The following MLXIPL variants were observed in gnomAD, a reference collection of about 807,000 sequenced individuals.
MLXIPL encodes MLX interacting protein like, also known as carbohydrate-responsive element-binding protein.
Under a neutral mutation model 81.5 loss-of-function variants are expected in MLXIPL, and 49 were observed. The observed-to-expected ratio is 0.60, with a 90% CI of 0.48 to 0.76. The LOEUF (loss-of-function observed/expected upper bound fraction) is 0.76. Ranked by LOEUF, MLXIPL falls within the 30% of genes least tolerant of loss-of-function variation. The pLI is 0.00. For missense variants in MLXIPL, 1,053 were observed against 1,167.0 expected (o/e 0.90, Z 1.42); for synonymous variants, 466 against 485.5 (o/e 0.96, Z 0.53).
the MLXIPL span, among the ~76,000 whole-genome samples, chr7:73,632,423 G>C: frequency 3.3e-5 from 5 of 152,088 alleles, no homozygotes; most frequent in Admixed American, 3.3e-4. Flanking sequence ...GGTTTTATTT[G>C]AAAACGAAAC....
chr7:73,623,177 C>T lies in MLXIPL; in HGVS notation c.293+1023G>A, dbSNP rs1349633959. ...GGCAGGCAACACTCCCCTCACAGTC[C>T]CCACCCCAGCTCCTGCTCCCCCGCA... On this transcript the variant is annotated intron_variant, in intron 1 of 16. Coordinates refer to ENST00000313375, the MANE Select transcript of MLXIPL (RefSeq NM_032951.3). This position sits in a 1 kb window ranked among gnomAD's most constrained non-coding sequence, Gnocchi z 5.7. Among the ~76,000 whole-genome samples the T allele has an allele frequency of 6.6e-6, 1 of 152,202 alleles. No individual in the cohort carries two copies. The highest frequency in any genetic ancestry group is 1.5e-5 in the Non-Finnish European group (1 of 68,034).
At chr7:73,625,478 C>T (rs1188103671), upstream of MLXIPL, among the ~76,000 whole-genome samples, 4 of 152,042 alleles carry the variant, frequency 2.6e-5, no homozygotes, top group African/African-American at 9.7e-5. Flanking sequence ...ACACGGTGGC[C>T]GGGCGCGGTG....
Position 73,596,160 on chromosome 7 carries a change from C to T in MLXIPL, c.2051G>A (p.Ser684Asn). The T allele has an allele frequency of 6.2e-7, 1 of 1,612,652 alleles. No individual in the cohort carries two copies. Among genetic ancestry groups the T allele is most frequent in the Non-Finnish European group, 8.5e-7 (1 of 1,179,852 alleles). The change falls in exon 13 of 17, where the codon AGC becomes AAC. Residue 684 changes from serine (S) to asparagine (N), a missense_variant. Transcript: ENST00000313375. The surrounding 1 kb of genome is among the most constrained non-coding windows in gnomAD (Gnocchi z 4.7). The part of the protein sequence containing the change: ...GLVSTLSAQP[S>N]LKVSKATTLQ... The stretch of plus-strand genomic sequence containing the variant: ...CCTGGGCCCGGGGCTCACCTTGAGG[C>T]TGGGCTGGGCACTGAGTGTGCTCAC...
chr7:73,608,129 T>C (rs1282529446), intron 2 of MLXIPL, among the ~76,000 whole-genome samples: 4 of 149,098 alleles, frequency 2.7e-5, no homozygotes, highest in African/African-American at 4.9e-5. Context: ...AGTGCTGGGA[T>C]TACAGGCTTG....
the MLXIPL span, among the ~76,000 whole-genome samples, chr7:73,647,475 C>G: frequency 6.6e-6 from 1 of 152,164 alleles, no homozygotes; most frequent in Admixed American, 6.5e-5. Flanking sequence ...CCAGCCCAGT[C>G]CAGCCAGTGG....
intron 15 of MLXIPL, 50 bp downstream of exon 15, chr7:73,595,587 C>T: frequency 6.2e-7 from 1 of 1,613,946 alleles, no homozygotes; most frequent in Non-Finnish European, 8.5e-7. Flanking sequence ...CCTGGTCTCA[C>T]CCTGCCACAG....
Position 73,607,685 on chromosome 7 carries a change from G to A in MLXIPL, c.401-13C>T. ...CTCCGCTTCACATCTGAGAGAAGGGGGCCAGGTCAGGGGCACCCAGCTTCC... is the reference window on the plus strand; with the variant it reads ...CTCCGCTTCACATCTGAGAGAAGGGAGCCAGGTCAGGGGCACCCAGCTTCC... On this transcript the variant is annotated splice_polypyrimidine_tract_variant and intron_variant, in intron 2 of 16. Coordinates refer to ENST00000313375, the MANE Select transcript of MLXIPL (RefSeq NM_032951.3). The A allele has an allele frequency of 6.2e-7, 1 of 1,612,008 alleles. No homozygotes were observed. Among genetic ancestry groups the A allele is most frequent in the Non-Finnish European group, 8.5e-7 (1 of 1,179,146 alleles).
chr7:73,594,189 T>C (rs1554592821), intron 16 of MLXIPL, 85 bp downstream of exon 16: 9 of 1,592,714 alleles, frequency 5.7e-6, no homozygotes, highest in Non-Finnish European at 5.1e-6. Flanking sequence ...GATGGCAAGC[T>C]GGATGTGGGA....
chr7:73,596,600 C>T lies in MLXIPL; in HGVS notation c.1822+39G>A. On this transcript the variant is annotated intron_variant, in intron 11 of 16. Transcript: ENST00000313375. This position sits in a 1 kb window ranked among gnomAD's most constrained non-coding sequence, Gnocchi z 4.7. ...TTCTTCTTCCTCCTCTTCCCCTCAT[C>T]CCCTAGATTCCCCCAATCCCTGCAA... 6.2e-7 allele frequency: 1 copy of T among 1,603,256 alleles called. No homozygotes were observed. Among genetic ancestry groups the T allele is most frequent in the Non-Finnish European group, 8.5e-7 (1 of 1,175,334 alleles).
the MLXIPL span, among the ~76,000 whole-genome samples, chr7:73,643,929 G>C: frequency 1.3e-5 from 2 of 151,950 alleles, no homozygotes; most frequent in Admixed American, 1.3e-4. Flanking sequence ...ACCACCCCTG[G>C]CTAATTTTTA....
intron 2 of MLXIPL, among the ~76,000 whole-genome samples, chr7:73,615,019 G>T (rs1795925900): frequency 6.6e-6 from 1 of 151,998 alleles, no homozygotes; most frequent in Non-Finnish European, 1.5e-5. Flanking sequence ...ACTGCGTTAG[G>T]CAGGATGGTC....
the MLXIPL span, among the ~76,000 whole-genome samples, chr7:73,647,726 G>A: frequency 6.6e-6 from 1 of 152,010 alleles, no homozygotes; most frequent in Non-Finnish European, 1.5e-5. Flanking sequence ...ATTCCCCTTG[G>A]GTGAGGCCCC....
chr7:73,614,809 C>CTTTT (rs11307944), intron 2 of MLXIPL, among the ~76,000 whole-genome samples: 1 of 106,200 alleles, frequency 9.4e-6, no homozygotes, highest in African/African-American at 3.4e-5. Flanking sequence ...TTGTTTTGCC[C>CTTTT]TTTTTTTTTT....
the MLXIPL span, among the ~76,000 whole-genome samples, chr7:73,640,532 T>C: frequency 6.6e-6 from 1 of 151,522 alleles, no homozygotes; most frequent in African/African-American, 2.4e-5. Context: ...ATCCCAGCAC[T>C]TTGGGAGGCT....
Position 73,593,788 on chromosome 7 carries a change from A to C in MLXIPL, c.*77T>G. 2 of 1,276,746 alleles carry C rather than the reference A, an allele frequency of 1.6e-6. No individual in the cohort carries two copies. Among genetic ancestry groups the C allele is most frequent in the Non-Finnish European group, 1.1e-6 (1 of 874,764 alleles). The allele number at this position is 1,276,746 out of a possible 1,614,324, so 79.1% of individuals were successfully genotyped here. A position where few individuals can be genotyped will look rare whatever the true frequency, so the allele number is the denominator to read the frequency against. ...GGCCTGGGGCAGGAAGGGAGTGCCC[A>C]GAGATGATCCCTGGAGCCCGTGCCC... On this transcript the variant is annotated 3_prime_UTR_variant, in exon 17 of 17. Coordinates refer to ENST00000313375, the MANE Select transcript of MLXIPL (RefSeq NM_032951.3).
intron 2 of MLXIPL, 72 bp downstream of exon 2, chr7:73,615,999 G>A: frequency 7.8e-7 from 1 of 1,288,038 alleles, no homozygotes; most frequent in Admixed American, 1.7e-5. Flanking sequence ...CAGCCACCAT[G>A]TAGAACCCTC....
chr7:73,595,729 C>A lies in MLXIPL; in HGVS notation c.2218G>T (p.Val740Leu), dbSNP rs782637932. The A allele has an allele frequency of 5.6e-6, 9 of 1,611,764 alleles. No individual in the cohort carries two copies. The highest frequency in any genetic ancestry group is 5.1e-6 in the Non-Finnish European group (6 of 1,178,878). ...LCQQQLPATG[V>L]PITHQRFDQM... Reference sequence around the variant, plus strand: ...TCAAAACGCTGGTGTGTGATGGGTACCCCTGTGGCGGGCAGCTGCTGCTGG... The same window carrying A: ...TCAAAACGCTGGTGTGTGATGGGTAACCCTGTGGCGGGCAGCTGCTGCTGG... Residue 740 changes from valine to leucine, a missense_variant, in exon 15 of 17, where the codon GTA becomes TTA. By Grantham distance (32) the Val-to-Leu change is conservative. Transcript: ENST00000313375.
chr7:73,627,577 G>A (rs1169714494), upstream of MLXIPL, among the ~76,000 whole-genome samples: 3 of 152,038 alleles, frequency 2.0e-5, no homozygotes, highest in African/African-American at 7.2e-5. Flanking sequence ...GTCTTTTGAG[G>A]CCCTTGGTAC....
intron 7 of MLXIPL, 114 bp from the exon 8 acceptor site, chr7:73,599,809 C>A (rs58496575): frequency 1.6e-4 from 164 of 1,029,564 alleles, no homozygotes; most frequent in Non-Finnish European, 2.3e-4. Context: ...TGGGGACTGG[C>A]GGGCAGAGGG....
Sources: allele counts gnomAD v4.1 joint callset (sites outside exome capture counted in the v4.1 genomes callset), GRCh38; gene constraint gnomAD v4.1.1; non-coding constraint Gnocchi (gnomAD v3.1); transcripts MANE v1.5; gene names NCBI Gene and HGNC (gene_info 2026-07-23, HGNC 2026-07-21).